STK3: variants seen among roughly 807,000 people sequenced by gnomAD.
STK3 encodes serine/threonine kinase 3, also known as serine/threonine-protein kinase 3.
Under a neutral mutation model 58.0 loss-of-function variants are expected in STK3, and 41 were observed. The ratio of observed to expected loss-of-function variants is 0.71; its 90% CI spans 0.55 to 0.92. The LOEUF (loss-of-function observed/expected upper bound fraction) is 0.92. Among genes scored for constraint, STK3 ranks in the 40% least tolerant of loss-of-function variants. The pLI, the probability that STK3 is intolerant of heterozygous loss-of-function variation, is 0.00. For synonymous variants in STK3, 170 were observed against 191.0 expected, an observed-to-expected ratio of 0.89 and a Z score of 0.91; for missense variants, 479 against 602.7, an observed-to-expected ratio of 0.79 and a Z score of 2.15.
chr8:98,820,771 A>C (rs1470496788), intron 1 of STK3, among the ~76,000 whole-genome samples: 1 of 152,012 alleles, frequency 6.6e-6, no homozygotes, highest in Non-Finnish European at 1.5e-5. Context: ...AGGTCATGAG[A>C]TCGAGACCAT....
chr8:98,399,463 C>T (rs950144570), downstream of STK3, among the ~76,000 whole-genome samples: 5 of 152,252 alleles, frequency 3.3e-5, no homozygotes, highest in South Asian at 2.1e-4. Context: ...GGCCTGGCCA[C>T]GGCAGGGAAG....
intron 4 of STK3, among the ~76,000 whole-genome samples, chr8:98,726,254 G>A (rs997526824): frequency 6.6e-6 from 1 of 152,184 alleles, no homozygotes; most frequent in African/African-American, 2.4e-5. Context: ...GGGAAGCCAA[G>A]GAAATACCTT....
chr8:98,370,000 C>G (rs899762843), downstream of STK3, among the ~76,000 whole-genome samples: 1 of 151,806 alleles, frequency 6.6e-6, no homozygotes, highest in African/African-American at 2.4e-5. Flanking sequence ...AAGGTGAGCC[C>G]AGGCATTCTC....
At chr8:98,822,856 T>C (rs555498097) in intron 1 of STK3, among the ~76,000 whole-genome samples, 107 of 152,244 alleles carry the variant, frequency 7.0e-4, no homozygotes, top group African/African-American at 2.5e-3. Flanking sequence ...TGGCGAAACG[T>C]TGTCTCTACT....
At chr8:98,448,284 A>T (rs1321156722) in intron 1 of STK3, among the ~76,000 whole-genome samples, 1 of 152,142 alleles carries the variant, frequency 6.6e-6, no homozygotes, top group Non-Finnish European at 1.5e-5. Flanking sequence ...TACTTTATGG[A>T]AGGACAACAG....
intron 1 of STK3, among the ~76,000 whole-genome samples, chr8:98,941,629 C>G (rs1260703321): frequency 2.6e-5 from 4 of 152,266 alleles, no homozygotes; most frequent in Admixed American, 6.5e-5. Flanking sequence ...GTGTCTGACA[C>G]CTGCTCGCTG....
chr8:98,391,169 G>A (rs1416887133), upstream of STK3, among the ~76,000 whole-genome samples: 2 of 152,172 alleles, frequency 1.3e-5, no homozygotes, highest in African/African-American at 4.8e-5. Context: ...ATTCTATGAA[G>A]GATGTTGCTA....
At position 98,738,121 on chromosome 8, in the gene STK3, G is replaced by A. The variant is rs115020214; in HGVS notation, c.351+11155C>T. On this transcript the variant is annotated intron_variant, in intron 4 of 10. Transcript: ENST00000419617. ...AAATATTAGTTAACACAAATTATGAGTTAAATGTAATTCCAATCACAAACC... is the reference window on the plus strand; with the variant it reads ...AAATATTAGTTAACACAAATTATGAATTAAATGTAATTCCAATCACAAACC... Among the ~76,000 whole-genome samples, 1,115 of 152,328 alleles carry A rather than the reference G, an allele frequency of 7.3e-3. 12 individuals carry two copies. Among genetic ancestry groups the A allele is most frequent in the African/African-American group, 0.025 (1,019 of 41,556 alleles).
intron 3 of STK3, among the ~76,000 whole-genome samples, chr8:98,402,978 G>A (rs1268268124): frequency 6.6e-6 from 1 of 152,170 alleles, no homozygotes; most frequent in Non-Finnish European, 1.5e-5. Context: ...GGGAGGGCCT[G>A]ACCTTTCCTT....
intron 8 of STK3, among the ~76,000 whole-genome samples, chr8:98,554,551 T>C (rs1010726410): frequency 2.0e-5 from 3 of 152,262 alleles, no homozygotes; most frequent in East Asian, 3.9e-4. Context: ...TTGGAAGGGA[T>C]TGATCTTACT....
At chr8:98,418,462 G>A (rs1463697569) in intron 3 of STK3, among the ~76,000 whole-genome samples, 1 of 152,240 alleles carries the variant, frequency 6.6e-6, no homozygotes, top group African/African-American at 2.4e-5. Flanking sequence ...GTGTGGGATA[G>A]GTACGTGGGT....
chr8:98,795,797 A>AATACAATACAATACAATACG (rs1833125022), intron 1 of STK3, among the ~76,000 whole-genome samples: 3 of 44,426 alleles, frequency 6.8e-5, no homozygotes, highest in South Asian at 1.2e-3. Context: ...ATGGCCACAA[A>AATACAATACAATACAATACG]ATACAATACA....
At chr8:98,695,227 T>C (rs1824780713) in intron 6 of STK3, among the ~76,000 whole-genome samples, 1 of 152,242 alleles carries the variant, frequency 6.6e-6, no homozygotes, top group Non-Finnish European at 1.5e-5. Context: ...TTTGAGTTCA[T>C]TGTAGATTCT....
At chr8:98,893,663 T>C (rs1838346250) in intron 1 of STK3, among the ~76,000 whole-genome samples, 1 of 151,446 alleles carries the variant, frequency 6.6e-6, no homozygotes, top group Non-Finnish European at 1.5e-5. Context: ...TTGAGTTCTG[T>C]TCCTGATTTC....
At chr8:98,772,968 G>A (rs1012522425) in intron 2 of STK3, among the ~76,000 whole-genome samples, 5 of 151,982 alleles carry the variant, frequency 3.3e-5, no homozygotes, top group African/African-American at 1.2e-4. Flanking sequence ...ATCAGAAAAT[G>A]TGACCTGTAA....
intron 4 of STK3, among the ~76,000 whole-genome samples, chr8:98,715,111 C>T (rs1484143283): frequency 6.6e-6 from 1 of 151,554 alleles, no homozygotes; most frequent in Non-Finnish European, 1.5e-5. Flanking sequence ...CCCTTCCTTA[C>T]ACCTTATACA....
At chr8:98,647,490 T>C (rs550975411) in intron 6 of STK3, among the ~76,000 whole-genome samples, 1 of 152,290 alleles carries the variant, frequency 6.6e-6, no homozygotes, top group South Asian at 2.1e-4. Context: ...GAATAAAAAT[T>C]TGAATACATG....
intron 3 of STK3, among the ~76,000 whole-genome samples, chr8:98,853,380 C>T (rs991992737): frequency 1.5e-4 from 23 of 152,252 alleles, no homozygotes; most frequent in African/African-American, 4.8e-4. Context: ...TGGTTCAGTA[C>T]CAGGGAGTGA....
intron 1 of STK3, among the ~76,000 whole-genome samples, chr8:98,888,519 T>C (rs1040373775): frequency 6.6e-6 from 1 of 152,070 alleles, no homozygotes; most frequent in Non-Finnish European, 1.5e-5. Flanking sequence ...TTTTCAAACT[T>C]TGTAAAGCAG....
Sources: gnomAD v4.1 joint callset for allele counts (sites outside exome capture counted in the v4.1 genomes callset) on GRCh38, gnomAD v4.1.1 for gene constraint, MANE v1.5 for transcripts, NCBI Gene and HGNC (gene_info 2026-07-23, HGNC 2026-07-21) for gene names.